MYOCD: variants seen among roughly 807,000 people sequenced by gnomAD.
The protein encoded by MYOCD is myocardin.
In MYOCD, 32 loss-of-function variants were observed where a neutral mutation model predicts 96.1. The observed-to-expected ratio is 0.33, with a 90% CI of 0.25 to 0.45. MYOCD has a LOEUF of 0.45. Among genes scored for constraint, MYOCD ranks in the 20% least tolerant of loss-of-function variants. The pLI, the probability that MYOCD is intolerant of heterozygous loss-of-function variation, is 1.00. For missense variants in MYOCD, 1,133 were observed against 1,200.6 expected, an observed-to-expected ratio of 0.94 and a Z score of 0.83; for synonymous variants, 469 against 469.0, an observed-to-expected ratio of 1.00 and a Z score of 0.00.
intron 10 of MYOCD, among the ~76,000 whole-genome samples, chr17:12,754,576 G>T (rs1321046807): frequency 6.6e-6 from 1 of 152,220 alleles, no homozygotes; most frequent in South Asian, 2.1e-4. Flanking sequence ...CAGAAAAAGG[G>T]CCAGTGGCCG....
chr17:12,760,810 G>A, intron 13 of MYOCD, 103 bp downstream of exon 13: 1 of 914,180 alleles, frequency 1.1e-6, no homozygotes, highest in Non-Finnish European at 1.8e-6. Context: ...TGAGTTGGAT[G>A]TACCAGGTAG....
chr17:12,677,711 C>CA (rs961749999), intron 1 of MYOCD, among the ~76,000 whole-genome samples: 2,667 of 119,110 alleles, frequency 0.022, 70 homozygotes, highest in African/African-American at 0.069. Context: ...GACTCTGTCT[C>CA]AAAAAAAAAA....
rs563408090 is a variant in MYOCD at position 12,729,817 on chromosome 17, G to A, written c.416-6344G>A. 2.4e-4 allele frequency among the ~76,000 whole-genome samples: 36 copies of A among 152,124 alleles called. No homozygotes were observed. In the South Asian group the frequency reaches 7.5e-3, roughly 32 times the overall value. On this transcript the variant is annotated intron_variant, in intron 5 of 13. Transcript: ENST00000425538. ...GAACTCCTGACCTCGTGATCTGCCC[G>A]CCTTGCCTAATGTTATTTTTCATCC...
At chr17:12,682,478 T>C (rs1485175416) in intron 1 of MYOCD, among the ~76,000 whole-genome samples, 1 of 152,160 alleles carries the variant, frequency 6.6e-6, no homozygotes, top group African/African-American at 2.4e-5. Context: ...GGTCAAAGAT[T>C]ACATATAAGG....
chr17:12,667,064 C>T (rs1036392441), intron 1 of MYOCD, among the ~76,000 whole-genome samples: 1 of 152,190 alleles, frequency 6.6e-6, no homozygotes, highest in Non-Finnish European at 1.5e-5. Context: ...TAACAACACA[C>T]TCAACAATGT....
chr17:12,756,386 A>G, intron 10 of MYOCD, 28 bp from the exon 11 acceptor site: 1 of 1,552,020 alleles, frequency 6.4e-7, no homozygotes, highest in Non-Finnish European at 8.7e-7. Context: ...GCTGCTGGCC[A>G]TGTAATTTGT....
chr17:12,734,391 T>A (rs1046413306), intron 5 of MYOCD, among the ~76,000 whole-genome samples: 1 of 151,950 alleles, frequency 6.6e-6, no homozygotes, highest in South Asian at 2.1e-4. Context: ...ACGTGCCATG[T>A]GGATCCCAAG....
rs762898259 is a variant in MYOCD, at chr17:12,756,528, T to C, written c.2173T>C (p.Cys725Arg). ...CAGTCATGGTGCCGGGGGAAACCCT[T>C]GTCCCAAAAGCCCATGTGTACAGCA... ...DSSHGAGGNP[C>R]PKSPCVQQKM... The change falls in exon 11 of 14, where the codon TGT (cysteine) becomes CGT (arginine). Residue 725 changes from cysteine to arginine, a missense_variant. Coordinates refer to ENST00000425538, the MANE Select transcript of MYOCD (RefSeq NM_001146312.3). 7.1e-6 allele frequency: 11 copies of C among 1,551,426 alleles called. No individual in the cohort carries two copies. The South Asian group carries it at 1.3e-4, about 18-fold the overall frequency.
At chr17:12,705,300 A>C (rs2031246284) in intron 2 of MYOCD, 107 bp downstream of exon 2, 3 of 697,038 alleles carry the variant, frequency 4.3e-6, no homozygotes. Context: ...TTGGTCTCCG[A>C]AGATCTTCAA....
intron 1 of MYOCD, among the ~76,000 whole-genome samples, chr17:12,699,865 C>A (rs1297089875): frequency 6.6e-6 from 1 of 151,340 alleles, no homozygotes; most frequent in Non-Finnish European, 1.5e-5. Flanking sequence ...AGACTAACAA[C>A]CTCTTGAAAG....
rs760652078 is a variant in MYOCD at position 12,752,773 on chromosome 17, A to G, written c.1485A>G (p.Glu495=). ...CCCCAGTCCACGTGTGCACGGAGGA[A>G]AGTCTCATGAGCAGCCTGAATGGGG... ...HPSPVHVCTE[E]SLMSSLNGGS... The change falls in exon 10 of 14, where the codon GAA becomes GAG. Residue 495 remains glutamate, a synonymous_variant. Transcript: ENST00000425538. 1 of 1,614,044 alleles carries G rather than the reference A, an allele frequency of 6.2e-7. No individual in the cohort carries two copies. Among genetic ancestry groups the G allele is most frequent in the Admixed American group, 1.7e-5 (1 of 60,002 alleles).
chr17:12,684,292 T>C (rs1442151500), intron 1 of MYOCD, among the ~76,000 whole-genome samples: 1 of 152,162 alleles, frequency 6.6e-6, no homozygotes, highest in Non-Finnish European at 1.5e-5. Flanking sequence ...AGATGAGTCC[T>C]CCTAAAATGT....
chr17:12,692,780 CAG>C lies in MYOCD; in HGVS notation c.56-12347_56-12346del, dbSNP rs755986933. On this transcript the variant is annotated intron_variant, in intron 1 of 13. Coordinates refer to ENST00000425538, the MANE Select transcript of MYOCD (RefSeq NM_001146312.3). ...TTCTGAGTGCCTCTGCTTTCTCTCC[CAG>C]GCACAGGTGAGTGAACTCTGCCAAG... Among the ~76,000 whole-genome samples, 37 of 152,278 alleles carry C rather than the reference CAG, an allele frequency of 2.4e-4. No homozygotes were observed. The South Asian group carries it at 7.5e-3, about 31-fold the overall frequency.
intron 9 of MYOCD, among the ~76,000 whole-genome samples, chr17:12,749,202 C>A (rs2032755922): frequency 1.3e-5 from 2 of 152,136 alleles, no homozygotes; most frequent in East Asian, 3.8e-4. Context: ...CACTGCTGGA[C>A]ACTTCACTAG....
At chr17:12,668,895 C>G (rs1909520716) in intron 1 of MYOCD, among the ~76,000 whole-genome samples, 2 of 151,932 alleles carry the variant, frequency 1.3e-5, no homozygotes, top group South Asian at 4.2e-4. Flanking sequence ...TGCAGTGGGA[C>G]CGGCGGTTGG....
intron 5 of MYOCD, among the ~76,000 whole-genome samples, chr17:12,735,323 T>A (rs1206287081): frequency 7.3e-6 from 1 of 137,136 alleles, no homozygotes. Flanking sequence ...ATAAACCAGA[T>A]GAAATTTGGC....
chr17:12,666,358 T>A, intron 1 of MYOCD, 115 bp downstream of exon 1: 1 of 799,296 alleles, frequency 1.3e-6, no homozygotes, highest in East Asian at 2.7e-5. Context: ...TCAACTTTGT[T>A]CCCCAAAAGC....
intron 1 of MYOCD, among the ~76,000 whole-genome samples, chr17:12,697,028 A>G (rs2030784952): frequency 1.3e-5 from 2 of 151,886 alleles, no homozygotes; most frequent in African/African-American, 4.8e-5. Flanking sequence ...TGCTGCTACC[A>G]CTCGAAGACC....
At chr17:12,719,021 A>C (rs2031732558) in intron 4 of MYOCD, among the ~76,000 whole-genome samples, 1 of 151,140 alleles carries the variant, frequency 6.6e-6, no homozygotes, top group African/African-American at 2.4e-5. Flanking sequence ...TAAATATACA[A>C]AAACTTAGCC....
Sources: gnomAD v4.1 joint callset for allele counts (sites outside exome capture counted in the v4.1 genomes callset) on GRCh38, gnomAD v4.1.1 for gene constraint, MANE v1.5 for transcripts, NCBI Gene and HGNC (gene_info 2026-07-23, HGNC 2026-07-21) for gene names.